Variants in DSG2 observed in about 807,000 individuals in gnomAD.
DSG2 encodes desmoglein-2.
Under a neutral mutation model 75.6 loss-of-function variants are expected in DSG2, and 45 were observed. The observed-to-expected ratio is 0.60, with a 90% CI of 0.47 to 0.76. The LOEUF (loss-of-function observed/expected upper bound fraction) is 0.76. Ranked by LOEUF, DSG2 falls within the 30% of genes least tolerant of loss-of-function variation. The pLI is 0.00. For synonymous variants in DSG2, 429 were observed against 483.9 expected, an observed-to-expected ratio of 0.89 and a Z score of 1.49; for missense variants, 1,267 against 1,357.4, an observed-to-expected ratio of 0.93 and a Z score of 1.05.
At chr18:31,504,754 G>A (rs1167980901) in intron 1 of DSG2, among the ~76,000 whole-genome samples, 2 of 152,076 alleles carry the variant, frequency 1.3e-5, no homozygotes, top group Non-Finnish European at 2.9e-5. Flanking sequence ...GCATCTCTCC[G>A]CCCTACTCAG....
At position 31,521,175 on chromosome 18, in the gene DSG2, T is replaced by C; in HGVS notation, c.455T>C (p.Ile152Thr). ...GAGCTACGCATTAAGGTTCTTGATATCAATGACAACGAACCAGTGTTCACA... is the reference window on the plus strand; with the variant it reads ...GAGCTACGCATTAAGGTTCTTGATACCAATGACAACGAACCAGTGTTCACA... ...PLELRIKVLD[I>T]NDNEPVFTQD... The change falls in exon 5 of 15, where the codon ATC becomes ACC. Residue 152 changes from isoleucine (I) to threonine (T), a missense_variant. By Grantham distance (89) the Ile-to-Thr change is moderately conservative. Transcript: ENST00000261590. The C allele has an allele frequency of 6.2e-7, 1 of 1,613,638 alleles. No individual in the cohort carries two copies. The highest frequency in any genetic ancestry group is 8.5e-7 in the Non-Finnish European group (1 of 1,179,898).
At chr18:31,532,315 A>G (rs57546905) in intron 9 of DSG2, among the ~76,000 whole-genome samples, 4,096 of 152,168 alleles carry the variant, frequency 0.027, 208 homozygotes, top group African/African-American at 0.092. Context: ...CTCTTTTTTA[A>G]GAGCACTAAT....
At position 31,521,167 on chromosome 18, in the gene DSG2, T is replaced by C. The variant is rs1389484271; in HGVS notation, c.447T>C (p.Val149=). 1.1e-5 allele frequency: 18 copies of C among 1,613,914 alleles called. No homozygotes were observed. In the East Asian group the frequency reaches 4.0e-4, roughly 36 times the overall value. ...AACCCTTAGAGCTACGCATTAAGGT[T>C]CTTGATATCAATGACAACGAACCAG... The part of the protein sequence containing the change: ...VEKPLELRIK[V]LDINDNEPVF... The change falls in exon 5 of 15, where the codon GTT becomes GTC. Residue 149 remains valine, a synonymous_variant. Coordinates refer to ENST00000261590, the MANE Select transcript of DSG2 (RefSeq NM_001943.5).
At chr18:31,502,498 C>T (rs565738136) in intron 1 of DSG2, among the ~76,000 whole-genome samples, 91 of 152,292 alleles carry the variant, frequency 6.0e-4, no homozygotes, top group African/African-American at 2.1e-3. Context: ...GCCTGTAATC[C>T]CAGCACTTTG....
intron 1 of DSG2, among the ~76,000 whole-genome samples, chr18:31,514,377 A>G (rs977873140): frequency 6.6e-6 from 1 of 152,194 alleles, no homozygotes; most frequent in African/African-American, 2.4e-5. Context: ...GCATGTTACT[A>G]TTCACTCTGC....
chr18:31,506,859 T>C (rs1176358494), intron 1 of DSG2, among the ~76,000 whole-genome samples: 1 of 152,242 alleles, frequency 6.6e-6, no homozygotes, highest in African/African-American at 2.4e-5. Flanking sequence ...GTATTTTAGT[T>C]AGTTTGCTTG....
rs1373644171 is a variant in DSG2, at chr18:31,522,187, G to A, written c.628G>A (p.Val210Met). The change falls in exon 6 of 15, where the codon GTG becomes ATG. Residue 210 changes from valine (V) to methionine (M), a missense_variant. Val to Met is a conservative substitution (Grantham distance 21, BLOSUM62 1). Coordinates refer to ENST00000261590, the MANE Select transcript of DSG2 (RefSeq NM_001943.5). ...IVSLEPAYPP[V>M]FYLNKDTGEI... ...ATCTCTGGAGCCTGCTTATCCTCCA[G>A]TGTTCTACCTAAATAAAGATACAGG... The A allele has an allele frequency of 1.9e-6, 3 of 1,613,782 alleles. No homozygotes were observed. The African/African-American group carries it at 4.0e-5, about 22-fold the overall frequency.
chr18:31,539,783 C>T (rs1053902656), intron 12 of DSG2, among the ~76,000 whole-genome samples: 2 of 152,174 alleles, frequency 1.3e-5, no homozygotes, highest in East Asian at 1.9e-4. Context: ...GGAACCAGGC[C>T]GCACAGCAGG....
chr18:31,536,394 G>T lies in DSG2; in HGVS notation c.1616G>T (p.Gly539Val). The T allele has an allele frequency of 6.2e-7, 1 of 1,613,984 alleles. No individual in the cohort carries two copies. Among genetic ancestry groups the T allele is most frequent in the Non-Finnish European group, 8.5e-7 (1 of 1,180,030 alleles). Reference sequence around the variant, plus strand: ...TTCTCCGTCATTGACAAACCACCTGGCATGGCAGAAAAATGGAAAATAGCA... The same window carrying T: ...TTCTCCGTCATTGACAAACCACCTGTCATGGCAGAAAAATGGAAAATAGCA... ...FSFSVIDKPP[G>V]MAEKWKIARQ... is the part of the protein sequence containing the mutation. The change falls in exon 11 of 15, where the codon GGC becomes GTC. Residue 539 changes from glycine to valine, a missense_variant. Physicochemically the swap from Gly to Val is moderately radical, Grantham distance 109. Coordinates refer to ENST00000261590, the MANE Select transcript of DSG2 (RefSeq NM_001943.5).
rs543940807 is a variant in DSG2, at chr18:31,538,965, T to C, written c.1866T>C (p.Phe622=). The C allele has an allele frequency of 1.2e-5, 20 of 1,613,676 alleles. 1 individual carries two copies. In the South Asian group the frequency reaches 2.2e-4, roughly 18 times the overall value. The change falls in exon 12 of 15, where the codon TTT becomes TTC. Residue 622 remains phenylalanine, a synonymous_variant. Coordinates refer to ENST00000261590, the MANE Select transcript of DSG2 (RefSeq NM_001943.5). ...CAATTGCGCTCATGATTTTGGCCTT[T>C]CTGCTCCTGCTATGTAAGTCTTTAA... ...PAAIALMILA[F]LLLLLVPLLL... is the part of the protein sequence containing the mutation.
chr18:31,508,306 A>G (rs1230867115), intron 1 of DSG2, among the ~76,000 whole-genome samples: 2 of 152,138 alleles, frequency 1.3e-5, no homozygotes, highest in Admixed American at 6.5e-5. Context: ...TTGTAAAATG[A>G]AAAATCTTTT....
chr18:31,540,112 GTAATAA>G (rs1317348943), intron 12 of DSG2, among the ~76,000 whole-genome samples: 2 of 152,010 alleles, frequency 1.3e-5, no homozygotes, highest in African/African-American at 2.4e-5. Flanking sequence ...ATATTACAAT[GTAATAA>G]TAATAGAAAT....
chr18:31,521,297 C>A, intron 5 of DSG2, 54 bp downstream of exon 5: 1 of 1,504,118 alleles, frequency 6.6e-7, no homozygotes, highest in Admixed American at 1.8e-5. Context: ...TTACTTTATC[C>A]CCACTGTAAA....
chr18:31,502,829 A>C (rs1568099937), intron 1 of DSG2, among the ~76,000 whole-genome samples: 1 of 152,164 alleles, frequency 6.6e-6, no homozygotes, highest in Non-Finnish European at 1.5e-5. Flanking sequence ...ACTTTAACTG[A>C]AAGCATAAAG....
In DSG2 at chr18:31,535,319, A is replaced by G; in HGVS notation, c.1330A>G (p.Thr444Ala). 1.2e-6 allele frequency: 2 copies of G among 1,600,376 alleles called. No homozygotes were observed. Among genetic ancestry groups the G allele is most frequent in the Non-Finnish European group, 1.7e-6 (2 of 1,168,268 alleles). The change falls in exon 10 of 15, where the codon ACA (threonine) becomes GCA (alanine). Residue 444 changes from threonine (T) to alanine (A), a missense_variant. By Grantham distance (58) the Thr-to-Ala change is moderately conservative (BLOSUM62 0). Coordinates refer to ENST00000261590, the MANE Select transcript of DSG2 (RefSeq NM_001943.5). ...TAATTGGATCTCTGTGGATTCTGTC[A>G]CATCTGAAATTAAACTTGCAAAACT... ...RDNWISVDSV[T>A]SEIKLAKLPD...
At chr18:31,521,350 T>A in intron 5 of DSG2, 107 bp downstream of exon 5, 1 of 1,183,298 alleles carries the variant, frequency 8.5e-7, no homozygotes, top group Non-Finnish European at 1.2e-6. Flanking sequence ...GAGTATTACC[T>A]ACAGAACAAA....
At chr18:31,537,635 A>G (rs1484971375) in intron 11 of DSG2, among the ~76,000 whole-genome samples, 4 of 151,900 alleles carry the variant, frequency 2.6e-5, no homozygotes, top group East Asian at 1.9e-4. Flanking sequence ...AAAACTCCCT[A>G]TGATCCTTAT....
In DSG2 at chr18:31,498,226, C is replaced by T. The variant is rs1293069959; in HGVS notation, c.-26C>T. On this transcript the variant is annotated 5_prime_UTR_variant, in exon 1 of 15. Coordinates refer to ENST00000261590, the MANE Select transcript of DSG2 (RefSeq NM_001943.5). Reference sequence around the variant, plus strand: ...CAGGCGGCGGCGCGGAGCGGTGCGGCGGCGGGAGGCGGAGGCGAGGGTGCG... The same window carrying T: ...CAGGCGGCGGCGCGGAGCGGTGCGGTGGCGGGAGGCGGAGGCGAGGGTGCG... The T allele has an allele frequency of 1.1e-5, 14 of 1,249,372 alleles. No homozygotes were observed. The highest frequency in any genetic ancestry group is 2.6e-4 in the Middle Eastern group (1 of 3,774). 77.4% of individuals were successfully genotyped at this position (1,249,372 alleles called of 1,614,324 possible).
chr18:31,510,056 A>T (rs2073058721), intron 1 of DSG2, among the ~76,000 whole-genome samples: 3 of 152,368 alleles, frequency 2.0e-5, no homozygotes, highest in African/African-American at 7.2e-5. Flanking sequence ...ATTATAAAAC[A>T]TTCTGCTGGT....
Sources: allele counts gnomAD v4.1 joint callset (sites outside exome capture counted in the v4.1 genomes callset), GRCh38; gene constraint gnomAD v4.1.1; transcripts MANE v1.5; gene names NCBI Gene and HGNC (gene_info 2026-07-23, HGNC 2026-07-21).